C12orf42: variants seen among roughly 807,000 people sequenced by gnomAD.
C12orf42 encodes uncharacterized protein C12orf42.
In C12orf42, 25 loss-of-function variants were observed where a neutral mutation model predicts 21.6. That is an observed-to-expected ratio of 1.16 (90% confidence interval 0.84 to 1.62). The LOEUF (loss-of-function observed/expected upper bound fraction) is 1.62, where lower values mean the gene tolerates loss of function less well. Ranked by LOEUF, C12orf42 falls within the 40% of genes most tolerant of loss-of-function variation. The pLI is 0.00. For synonymous variants in C12orf42, 174 were observed against 175.0 expected, an observed-to-expected ratio of 0.99 and a Z score of 0.05; for missense variants, 483 against 459.3, an observed-to-expected ratio of 1.05 and a Z score of -0.47.
chr12:103,052,892 A>C, the C12orf42 span, among the ~76,000 whole-genome samples: 7 of 152,044 alleles, frequency 4.6e-5, no homozygotes, highest in Non-Finnish European at 7.4e-5. Flanking sequence ...ACATTACCGA[A>C]CATTGAAAAG....
At chr12:103,066,045 G>GC in the C12orf42 span, among the ~76,000 whole-genome samples, 3 of 152,134 alleles carry the variant, frequency 2.0e-5, no homozygotes, top group Non-Finnish European at 2.9e-5. Flanking sequence ...TCTTTGGCAG[G>GC]CCCCCCTAGG....
intron 2 of C12orf42, among the ~76,000 whole-genome samples, chr12:103,451,998 T>A (rs1031597990): frequency 4.6e-5 from 7 of 152,018 alleles, no homozygotes; most frequent in Admixed American, 3.3e-4. Context: ...CTTAAAACAA[T>A]AAGCCTTTAT....
the C12orf42 span, among the ~76,000 whole-genome samples, chr12:103,501,501 T>C: frequency 6.6e-6 from 1 of 152,206 alleles, no homozygotes; most frequent in African/African-American, 2.4e-5. Flanking sequence ...GGAAAAGATG[T>C]GCACAATCAG....
the C12orf42 span, among the ~76,000 whole-genome samples, chr12:103,521,584 T>G: frequency 6.6e-6 from 1 of 152,112 alleles, no homozygotes; most frequent in East Asian, 1.9e-4. Flanking sequence ...ATGTGGGGCT[T>G]AATACCTAGG....
At chr12:103,464,083 T>C (rs907507457) in intron 2 of C12orf42, among the ~76,000 whole-genome samples, 4 of 152,218 alleles carry the variant, frequency 2.6e-5, no homozygotes, top group Admixed American at 2.6e-4. Flanking sequence ...CCTTTGGGTA[T>C]ATAACCAGTA....
the C12orf42 span, among the ~76,000 whole-genome samples, chr12:103,127,503 G>GTGTATATA: frequency 1.3e-5 from 2 of 152,134 alleles, no homozygotes; most frequent in African/African-American, 2.4e-5. Flanking sequence ...AGAAGTGTGT[G>GTGTATATA]TGTATATATG....
intron 4 of C12orf42, among the ~76,000 whole-genome samples, chr12:103,296,085 T>C (rs185903791): frequency 7.1e-4 from 103 of 146,058 alleles, no homozygotes; most frequent in African/African-American, 2.6e-3. Context: ...CATTGTTCAA[T>C]TCCCACCTAT....
chr12:103,457,164 A>C (rs1952355009), intron 2 of C12orf42, among the ~76,000 whole-genome samples: 2 of 152,068 alleles, frequency 1.3e-5, no homozygotes, highest in Admixed American at 6.6e-5. Context: ...CACTGGAATT[A>C]TTTATTTATT....
chr12:103,474,915 C>T (rs926000586), intron 2 of C12orf42, among the ~76,000 whole-genome samples: 4 of 152,138 alleles, frequency 2.6e-5, no homozygotes, highest in East Asian at 3.8e-4. Context: ...AGTAAATAGA[C>T]AAAGTTTTAG....
the C12orf42 span, among the ~76,000 whole-genome samples, chr12:103,160,757 G>T: frequency 3.0e-4 from 45 of 152,292 alleles, no homozygotes; most frequent in East Asian, 6.4e-3. Context: ...GGAAAATACA[G>T]TTCTGGAACA....
At chr12:103,413,535 G>T (rs775051046) in intron 2 of C12orf42, among the ~76,000 whole-genome samples, 13 of 151,780 alleles carry the variant, frequency 8.6e-5, no homozygotes, top group South Asian at 2.1e-4. Context: ...TGGTTTTATG[G>T]TTAAGTCCTT....
chr12:103,176,230 A>G, the C12orf42 span, among the ~76,000 whole-genome samples: 2 of 152,288 alleles, frequency 1.3e-5, no homozygotes, highest in East Asian at 3.9e-4. Flanking sequence ...CTTGGGGACC[A>G]GGAAAATATT....
At chr12:103,294,478 C>CAAGA (rs1417850548) in intron 4 of C12orf42, among the ~76,000 whole-genome samples, 2 of 70,294 alleles carry the variant, frequency 2.8e-5, no homozygotes, top group African/African-American at 6.3e-5. Flanking sequence ...AAGAAATAAG[C>CAAGA]AAGCAAGCAA....
the C12orf42 span, among the ~76,000 whole-genome samples, chr12:103,115,187 T>C: frequency 9.8e-5 from 15 of 152,368 alleles, no homozygotes; most frequent in Middle Eastern, 3.4e-3. Context: ...TCTTCATTGC[T>C]AGGCTGCCAT....
chr12:103,077,535 CTG>C, the C12orf42 span, among the ~76,000 whole-genome samples: 1 of 152,298 alleles, frequency 6.6e-6, no homozygotes, highest in East Asian at 1.9e-4. Context: ...AACCAGGCAG[CTG>C]ACCCCCAGAC....
the C12orf42 span, among the ~76,000 whole-genome samples, chr12:103,088,115 TC>T: frequency 2.6e-5 from 4 of 152,210 alleles, no homozygotes; most frequent in Non-Finnish European, 4.4e-5. Context: ...TACAAACAGA[TC>T]AAATTTTTCC....
At chr12:103,550,552 A>G in the C12orf42 span, 1 of 152,172 alleles carries the variant, frequency 6.6e-6, no homozygotes, top group Admixed American at 6.5e-5. Context: ...GCCTCTGCTG[A>G]TGAATTGGAT....
chr12:103,383,991 G>C (rs1042851786), intron 3 of C12orf42, among the ~76,000 whole-genome samples: 1 of 152,198 alleles, frequency 6.6e-6, no homozygotes. Context: ...AGAAAGAACT[G>C]TCTCAAGCCC....
chr12:103,192,308 T>C, the C12orf42 span, among the ~76,000 whole-genome samples: 4 of 151,902 alleles, frequency 2.6e-5, no homozygotes, highest in African/African-American at 9.7e-5. Context: ...ATCAAGACCA[T>C]CCTGGCCAAC....
Sources: allele counts gnomAD v4.1 joint callset (sites outside exome capture counted in the v4.1 genomes callset), GRCh38; gene constraint gnomAD v4.1.1; transcripts MANE v1.5; gene names NCBI Gene and HGNC (gene_info 2026-07-23, HGNC 2026-07-21).